PTPRD: variants seen among roughly 807,000 people sequenced by gnomAD.
The protein encoded by PTPRD is protein tyrosine phosphatase receptor type D.
In PTPRD, 34 loss-of-function variants were observed where a neutral mutation model predicts 214.5. The observed-to-expected ratio is 0.16, with a 90% confidence interval of 0.12 to 0.21. The LOEUF is 0.21. PTPRD is among the 10% of genes least tolerant of loss of function. PTPRD has a pLI of 1.00. For missense variants in PTPRD, 2,545 were observed against 2,398.7 expected, an observed-to-expected ratio of 1.06 and a Z score of -1.27; for synonymous variants, 1,128 against 845.7, an observed-to-expected ratio of 1.33 and a Z score of -5.79.
At chr9:9,793,947 A>G (rs2098984466) in intron 5 of PTPRD, among the ~76,000 whole-genome samples, 1 of 152,100 alleles carries the variant, frequency 6.6e-6, no homozygotes, top group African/African-American at 2.4e-5. Flanking sequence ...AGAGTATCAA[A>G]GAGCTGAAGA....
intron 3 of PTPRD, among the ~76,000 whole-genome samples, chr9:10,113,633 A>C (rs917796755): frequency 6.6e-6 from 1 of 152,202 alleles, no homozygotes; most frequent in Admixed American, 6.5e-5. Context: ...GATGAAGCAA[A>C]GCGACTGTTT....
chr9:9,478,247 T>G lies in PTPRD; in HGVS notation c.-236-80765A>C, dbSNP rs553150149. ...AGATTTATGCTACAGATTAACTGCATGGGTATCAAACAAGGCACCAATGAC... is the reference window on the plus strand; with the variant it reads ...AGATTTATGCTACAGATTAACTGCAGGGGTATCAAACAAGGCACCAATGAC... On this transcript the variant is annotated intron_variant, in intron 8 of 45. Transcript: ENST00000381196. 4.6e-5 allele frequency among the ~76,000 whole-genome samples: 7 copies of G among 152,282 alleles called. 1 individual carries two copies. Among genetic ancestry groups the G allele is most frequent in the Admixed American group, 2.6e-4 (4 of 15,290 alleles).
At chr9:8,395,695 T>C (rs1187792007) in intron 36 of PTPRD, among the ~76,000 whole-genome samples, 2 of 151,976 alleles carry the variant, frequency 1.3e-5, no homozygotes, top group African/African-American at 4.8e-5. Flanking sequence ...AGTGAGCTAA[T>C]GGAGAAACAG....
chr9:8,568,539 G>C (rs187531128), intron 14 of PTPRD, among the ~76,000 whole-genome samples: 2 of 152,032 alleles, frequency 1.3e-5, no homozygotes, highest in East Asian at 1.9e-4. Flanking sequence ...ATTAACCTTC[G>C]GTAAAACACA....
intron 9 of PTPRD, among the ~76,000 whole-genome samples, chr9:9,348,754 G>A (rs1323638754): frequency 6.6e-6 from 1 of 151,944 alleles, no homozygotes; most frequent in Non-Finnish European, 1.5e-5. Context: ...GCTTTATGTG[G>A]CTTCTCTTGA....
At chr9:8,455,841 C>T (rs568508702) in intron 33 of PTPRD, among the ~76,000 whole-genome samples, 12 of 152,232 alleles carry the variant, frequency 7.9e-5, no homozygotes, top group African/African-American at 2.2e-4. Context: ...GGATGGAAAA[C>T]CATCTAGTGA....
intron 9 of PTPRD, among the ~76,000 whole-genome samples, chr9:9,304,971 G>A (rs1956665648): frequency 6.8e-6 from 1 of 146,288 alleles, no homozygotes. Context: ...CTGTAATCTA[G>A]TTGCCGAACT....
At chr9:9,764,880 TATC>T (rs1157168718) in intron 6 of PTPRD, among the ~76,000 whole-genome samples, 11 of 152,104 alleles carry the variant, frequency 7.2e-5, no homozygotes, top group African/African-American at 2.7e-4. Context: ...TTACCAGAAA[TATC>T]ATTTTCTGGA....
intron 2 of PTPRD, among the ~76,000 whole-genome samples, chr9:10,344,542 A>G (rs1388127961): frequency 6.6e-6 from 1 of 152,156 alleles, no homozygotes; most frequent in Non-Finnish European, 1.5e-5. Flanking sequence ...CAAACTTTAA[A>G]GTAGTTTTTT....
intron 2 of PTPRD, among the ~76,000 whole-genome samples, chr9:10,609,709 G>A (rs960517741): frequency 6.6e-6 from 1 of 152,174 alleles, no homozygotes; most frequent in South Asian, 2.1e-4. Flanking sequence ...AAAAAGTTAT[G>A]AATAGCTCAA....
At chr9:10,326,254 A>G (rs1239412134) in intron 3 of PTPRD, among the ~76,000 whole-genome samples, 1 of 151,220 alleles carries the variant, frequency 6.6e-6, no homozygotes, top group African/African-American at 2.4e-5. Flanking sequence ...TTCAGGTAAA[A>G]TGCTAATGTC....
chr9:9,336,182 G>A (rs572733827), intron 9 of PTPRD, among the ~76,000 whole-genome samples: 1 of 152,194 alleles, frequency 6.6e-6, no homozygotes, highest in East Asian at 1.9e-4. Context: ...GCTCTTTGAT[G>A]TATCTTTCTA....
intron 4 of PTPRD, among the ~76,000 whole-genome samples, chr9:10,001,166 A>G (rs1415202250): frequency 4.6e-5 from 7 of 152,168 alleles, no homozygotes; most frequent in South Asian, 4.1e-4. Context: ...CGTGAGACCA[A>G]TGACCCTGGT....
chr9:10,087,731 G>C (rs1262345510), intron 3 of PTPRD, among the ~76,000 whole-genome samples: 1 of 151,676 alleles, frequency 6.6e-6, no homozygotes, highest in African/African-American at 2.4e-5. Context: ...TAGAATATGA[G>C]TGCTTAATAT....
At position 10,612,909 on chromosome 9, in the gene PTPRD, C is replaced by G. The variant is rs1189233534; in HGVS notation, c.-929G>C. Among the ~76,000 whole-genome samples, 1 of 151,724 alleles carries G rather than the reference C, an allele frequency of 6.6e-6. No homozygotes were observed. Among genetic ancestry groups the G allele is most frequent in the South Asian group, 2.1e-4 (1 of 4,824 alleles). On this transcript the variant is annotated 5_prime_UTR_variant, in exon 1 of 46. Transcript: ENST00000381196. ...CGCTGCCCCCACGCGCTCCGGCCGC[C>G]GGCTGCGGGCGCGGCTGGGCGGGGA...
At chr9:8,502,238 AAAAC>A (rs1164499112) in intron 23 of PTPRD, among the ~76,000 whole-genome samples, 9 of 152,178 alleles carry the variant, frequency 5.9e-5, no homozygotes, top group Non-Finnish European at 4.4e-5. Context: ...TTCCTAAAGA[AAAAC>A]AAACAAGTGG....
At chr9:9,055,898 T>C (rs2099695290) in intron 10 of PTPRD, among the ~76,000 whole-genome samples, 1 of 151,740 alleles carries the variant, frequency 6.6e-6, no homozygotes, top group African/African-American at 2.4e-5. Context: ...AACACTAGTC[T>C]GGTATTCTCA....
At chr9:9,036,925 A>G (rs140279626) in intron 10 of PTPRD, among the ~76,000 whole-genome samples, 1 of 152,280 alleles carries the variant, frequency 6.6e-6, no homozygotes, top group Non-Finnish European at 1.5e-5. Flanking sequence ...CTCATAGTTC[A>G]ATGAACTGGG....
At chr9:8,737,981 G>C (rs941777547) in intron 11 of PTPRD, among the ~76,000 whole-genome samples, 4 of 152,164 alleles carry the variant, frequency 2.6e-5, no homozygotes, top group Admixed American at 2.0e-4. Flanking sequence ...CATGCAGATA[G>C]AACTCAACCA....
Sources: gnomAD v4.1 joint callset for allele counts (sites outside exome capture counted in the v4.1 genomes callset) on GRCh38, gnomAD v4.1.1 for gene constraint, MANE v1.5 for transcripts, NCBI Gene and HGNC (gene_info 2026-07-23, HGNC 2026-07-21) for gene names.